ARID5B: variants seen among roughly 807,000 people sequenced by gnomAD.
ARID5B encodes the protein AT-rich interaction domain 5B, also known as AT-rich interactive domain-containing protein 5B.
In ARID5B, 13 loss-of-function variants were observed where a neutral mutation model predicts 97.2. The observed-to-expected ratio is 0.13, with a 90% CI of 0.09 to 0.21. The LOEUF is 0.21. ARID5B is among the 10% of genes least tolerant of loss of function. ARID5B has a pLI of 1.00. For synonymous variants in ARID5B, 556 were observed against 570.3 expected (o/e 0.97, Z 0.36); for missense variants, 1,210 against 1,465.3 (o/e 0.83, Z 2.84).
In ARID5B at chr10:62,021,066, A is replaced by ATC. The variant is rs1554845221; in HGVS notation, c.733+20746_733+20747insCT. Among the ~76,000 whole-genome samples the ATC allele has an allele frequency of 1.5e-4, 20 of 133,340 alleles. 1 individual carries two copies. The highest frequency in any genetic ancestry group is 4.0e-3 in the Middle Eastern group (1 of 250). 87.5% of individuals were successfully genotyped at this position (133,340 alleles called of 152,430 possible). Reference sequence around the variant, plus strand: ...TATATATATATATATATATATATATATATCTCAGAAGATAGAAGACAAAAG... The same window carrying ATC: ...TATATATATATATATATATATATATATCTATCTCAGAAGATAGAAGACAAAAG... On this transcript the variant is annotated intron_variant, in intron 4 of 9. Transcript: ENST00000279873.
At chr10:61,940,078 G>A in intron 2 of ARID5B, 105 bp from the exon 3 acceptor site, 2 of 1,007,804 alleles carry the variant, frequency 2.0e-6, no homozygotes, top group South Asian at 1.4e-5. Context: ...CTTGCATTAG[G>A]TTAAACCACT....
At chr10:61,953,784 C>G (rs572751096) in intron 3 of ARID5B, among the ~76,000 whole-genome samples, 1 of 152,288 alleles carries the variant, frequency 6.6e-6, no homozygotes, top group East Asian at 1.9e-4. Context: ...GTTAGATCAT[C>G]TATAGGGGTA....
chr10:62,013,391 C>T (rs750823250), intron 4 of ARID5B, among the ~76,000 whole-genome samples: 8 of 151,992 alleles, frequency 5.3e-5, no homozygotes, highest in Non-Finnish European at 8.8e-5. Context: ...TGTGGAATGG[C>T]TAAATTGATG....
At chr10:61,930,372 A>G (rs1589223380) in intron 2 of ARID5B, among the ~76,000 whole-genome samples, 2 of 152,230 alleles carry the variant, frequency 1.3e-5, no homozygotes, top group South Asian at 4.1e-4. Context: ...TGGAAGACAA[A>G]GGTAGTGTTT....
intron 4 of ARID5B, among the ~76,000 whole-genome samples, chr10:62,038,126 C>T (rs1384719389): frequency 6.6e-6 from 1 of 152,114 alleles, no homozygotes; most frequent in African/African-American, 2.4e-5. Flanking sequence ...GTTTTAATAC[C>T]AGGTTTGTTT....
chr10:61,903,416 G>C (rs1224804149), intron 2 of ARID5B, among the ~76,000 whole-genome samples: 1 of 152,220 alleles, frequency 6.6e-6, no homozygotes, highest in East Asian at 1.9e-4. Context: ...ATGTGTGACC[G>C]CAGTTCTGCG....
chr10:61,962,913 C>T (rs1314638334), intron 3 of ARID5B, among the ~76,000 whole-genome samples: 1 of 152,156 alleles, frequency 6.6e-6, no homozygotes, highest in African/African-American at 2.4e-5. Flanking sequence ...TCATAATAAA[C>T]CACGAAAGAA....
intron 4 of ARID5B, among the ~76,000 whole-genome samples, chr10:62,035,819 T>C (rs2132911301): frequency 6.6e-6 from 1 of 151,830 alleles, no homozygotes; most frequent in South Asian, 2.1e-4. Flanking sequence ...TTGTTTTGTT[T>C]TGTTTTGTTT....
chr10:61,984,464 G>C (rs912826751), intron 3 of ARID5B, among the ~76,000 whole-genome samples: 2 of 152,216 alleles, frequency 1.3e-5, no homozygotes, highest in South Asian at 4.1e-4. Flanking sequence ...CTGCTTGCAT[G>C]GTCTCTTTCT....
chr10:61,966,080 A>G (rs1048054408), intron 3 of ARID5B, among the ~76,000 whole-genome samples: 2 of 152,204 alleles, frequency 1.3e-5, no homozygotes, highest in African/African-American at 4.8e-5. Flanking sequence ...AGAGATAAAA[A>G]TCAGCCATAG....
chr10:61,942,595 C>T (rs1465680086), intron 3 of ARID5B, among the ~76,000 whole-genome samples: 4 of 152,124 alleles, frequency 2.6e-5, no homozygotes, highest in Non-Finnish European at 5.9e-5. Flanking sequence ...AGTTCAAGAC[C>T]AGCCTGGCCA....
chr10:61,984,364 G>A lies in ARID5B; in HGVS notation c.503-15727G>A, dbSNP rs7906544. Among the ~76,000 whole-genome samples the A allele has an allele frequency of 9.7e-3, 1,476 of 152,324 alleles. 32 individuals are homozygous for A. The highest frequency in any genetic ancestry group is 0.034 in the African/African-American group (1,414 of 41,558). On this transcript the variant is annotated intron_variant, in intron 3 of 9. Transcript: ENST00000279873. ...CTGAGTAGGAACCAAATAAAGGTTC[G>A]CTGACTGCATGAGGAAAGCATAGAC...
Position 62,085,717 on chromosome 10 carries a change from T to C in ARID5B, c.1215T>C (p.Tyr405=). ...AACCTTTTAGATTAATCCTACCATA[T>C]GAAAGATTTATTAAAGGAGAAGAAG... ...RRHYERLILP[Y]ERFIKGEEDK... Residue 405 remains tyrosine (Y), a synonymous_variant, in exon 9 of 10, where the codon TAT becomes TAC. Transcript: ENST00000279873. 6.2e-7 allele frequency: 1 copy of C among 1,607,670 alleles called. No individual in the cohort carries two copies. Among genetic ancestry groups the C allele is most frequent in the Non-Finnish European group, 8.5e-7 (1 of 1,178,364 alleles).
chr10:61,903,574 TCAAA>T (rs1490674048), intron 2 of ARID5B, among the ~76,000 whole-genome samples: 2 of 152,324 alleles, frequency 1.3e-5, no homozygotes, highest in African/African-American at 4.8e-5. Flanking sequence ...AGCAGGGTAA[TCAAA>T]CAGACTTTTG....
intron 3 of ARID5B, among the ~76,000 whole-genome samples, chr10:61,996,891 A>AT (rs1554843339): frequency 6.8e-6 from 1 of 147,650 alleles, no homozygotes; most frequent in Non-Finnish European, 1.5e-5. Flanking sequence ...AACTGAAAAA[A>AT]AAAAATATAT....
At chr10:62,065,616 T>G (rs964215759) in intron 7 of ARID5B, among the ~76,000 whole-genome samples, 3 of 151,852 alleles carry the variant, frequency 2.0e-5, no homozygotes, top group African/African-American at 7.3e-5. Context: ...GAGGCCAAGA[T>G]GGGCGGATCA....
At chr10:61,919,138 C>T (rs1468995792) in intron 2 of ARID5B, among the ~76,000 whole-genome samples, 3 of 139,984 alleles carry the variant, frequency 2.1e-5, no homozygotes, top group Non-Finnish European at 4.5e-5. Flanking sequence ...AGTCAAGAGA[C>T]AAAACTGGCT....
Position 61,940,277 on chromosome 10 carries a change from T to C in ARID5B, c.371T>C (p.Phe124Ser). ...HSDFSKWRCG[F>S]HAGPVKTEAL... Reference sequence around the variant, plus strand: ...GATTTCTCCAAGTGGAGATGTGGCTTCCACGCTGGACCAGTGAAAACTGAG... The same window carrying C: ...GATTTCTCCAAGTGGAGATGTGGCTCCCACGCTGGACCAGTGAAAACTGAG... The change falls in exon 3 of 10, where the codon TTC becomes TCC. Residue 124 changes from phenylalanine (F) to serine (S), a missense_variant. Phe to Ser is a radical substitution (Grantham distance 155). This residue lies in a region of ARID5B where 82 missense variants were observed against 79.3 expected (regional missense o/e 1.03). Coordinates refer to ENST00000279873, the MANE Select transcript of ARID5B (RefSeq NM_032199.3). 6.2e-7 allele frequency: 1 copy of C among 1,614,214 alleles called. No homozygotes were observed. Among genetic ancestry groups the C allele is most frequent in the South Asian group, 1.1e-5 (1 of 91,088 alleles).
intron 3 of ARID5B, among the ~76,000 whole-genome samples, chr10:61,995,098 C>T (rs1838978546): frequency 6.6e-6 from 1 of 152,184 alleles, no homozygotes. Flanking sequence ...CAACCAGCTA[C>T]AACCAACTAG....
Sources: allele counts gnomAD v4.1 joint callset (sites outside exome capture counted in the v4.1 genomes callset), GRCh38; gene constraint gnomAD v4.1.1; regional missense constraint gnomAD v4.1.1; transcripts MANE v1.5; gene names NCBI Gene and HGNC (gene_info 2026-07-23, HGNC 2026-07-21).